The following ROS1 variants were observed in gnomAD, a reference collection of about 807,000 sequenced individuals.
ROS1 encodes ROS proto-oncogene 1, receptor tyrosine kinase, also known as proto-oncogene tyrosine-protein kinase ROS.
Under a neutral mutation model 273.5 loss-of-function variants are expected in ROS1, and 263 were observed. The observed-to-expected ratio is 0.96, with a 90% CI of 0.87 to 1.06. The LOEUF (loss-of-function observed/expected upper bound fraction) is 1.06. ROS1 is among the 50% of genes least tolerant of loss of function. The pLI is 0.00. For synonymous variants in ROS1, 1,008 were observed against 954.1 expected (o/e 1.06, Z -1.04); for missense variants, 2,833 against 2,751.1 (o/e 1.03, Z -0.67).
At chr6:117,300,727 A>T (rs1774653131) in intron 43 of ROS1, among the ~76,000 whole-genome samples, 1 of 152,188 alleles carries the variant, frequency 6.6e-6, no homozygotes, top group Admixed American at 6.5e-5. Context: ...TAACATGTTA[A>T]TTCTCCTCCT....
At chr6:117,395,930 G>A (rs1317430496) in intron 9 of ROS1, among the ~76,000 whole-genome samples, 5 of 152,112 alleles carry the variant, frequency 3.3e-5, no homozygotes, top group Non-Finnish European at 5.9e-5. Flanking sequence ...CCAAAGATTT[G>A]AGGCCATTTT....
intron 5 of ROS1, among the ~76,000 whole-genome samples, chr6:117,406,964 T>C (rs561673544): frequency 6.6e-6 from 1 of 152,200 alleles, no homozygotes; most frequent in South Asian, 2.1e-4. Context: ...TCTAAAATAC[T>C]CCATGGCTCC....
In ROS1 at chr6:117,416,371, C is replaced by T. The variant is rs536596790; in HGVS notation, c.169-54G>A. On this transcript the variant is annotated intron_variant, in intron 2 of 43. Transcript: ENST00000368507. The stretch of plus-strand genomic sequence containing the variant: ...AGTGATTGAAGAAATGTGACTTTTT[C>T]TTGTCACCTGAAAGTACAATGTAGT... The T allele has an allele frequency of 2.6e-6, 3 of 1,165,000 alleles. No individual in the cohort carries two copies. The South Asian group carries it at 3.7e-5, about 14-fold the overall frequency. 72.2% of individuals were successfully genotyped at this position (1,165,000 alleles called of 1,614,324 possible). A position where few individuals can be genotyped will look rare whatever the true frequency, so the allele number is the denominator to read the frequency against.
At chr6:117,343,116 C>A (rs1778084488) in intron 28 of ROS1, among the ~76,000 whole-genome samples, 1 of 151,556 alleles carries the variant, frequency 6.6e-6, no homozygotes, top group South Asian at 2.1e-4. Flanking sequence ...CGATGTGCCG[C>A]CAAGGTTGAG....
At chr6:117,309,679 C>T (rs775451698) in intron 41 of ROS1, among the ~76,000 whole-genome samples, 43 of 152,080 alleles carry the variant, frequency 2.8e-4, no homozygotes, top group Non-Finnish European at 4.4e-4. Flanking sequence ...CCCCAGTGTC[C>T]TAATCTTTTA....
rs1324823364 is a variant in ROS1 at position 117,318,210 on chromosome 6, G to A, written c.5965C>T (p.Leu1989=). The change falls in exon 38 of 44, where the codon CTG becomes TTG. Residue 1989 remains leucine (L), a synonymous_variant. Transcript: ENST00000368507. The part of the protein sequence containing the change: ...GSTDQEKIEF[L]KEAHLMSKFN... ...TACCTCATCAGATGTGCCTCCTTCA[G>A]GAATTCAATCTTCTCCTGGTCTGTG... The A allele has an allele frequency of 6.2e-7, 1 of 1,612,752 alleles. No individual in the cohort carries two copies. Among genetic ancestry groups the A allele is most frequent in the African/African-American group, 1.3e-5 (1 of 74,872 alleles).
chr6:117,308,666 T>C (rs1775301040), intron 42 of ROS1, 128 bp downstream of exon 42: 1 of 788,762 alleles, frequency 1.3e-6, no homozygotes, highest in South Asian at 2.4e-5. Context: ...TGATATTTTA[T>C]GTGGGGTATA....
chr6:117,355,881 G>A (rs912353571), intron 26 of ROS1, among the ~76,000 whole-genome samples: 7 of 152,094 alleles, frequency 4.6e-5, no homozygotes, highest in African/African-American at 1.4e-4. Context: ...AAAGTGCTGG[G>A]ATTACAGGCA....
chr6:117,385,469 C>T (rs931967783), intron 16 of ROS1, among the ~76,000 whole-genome samples: 11 of 151,542 alleles, frequency 7.3e-5, no homozygotes, highest in South Asian at 6.3e-4. Context: ...GCCAAGATGG[C>T]GCCACTGCAC....
intron 18 of ROS1, among the ~76,000 whole-genome samples, chr6:117,374,625 T>A (rs1399782231): frequency 6.6e-6 from 1 of 152,254 alleles, no homozygotes; most frequent in East Asian, 1.9e-4. Context: ...GATAAATAGA[T>A]GGAATTTAAT....
At chr6:117,366,357 G>T in intron 18 of ROS1, 67 bp from the exon 19 acceptor site, 1 of 1,077,494 alleles carries the variant, frequency 9.3e-7, no homozygotes, top group Non-Finnish European at 1.4e-6. Context: ...CATGCAAGTA[G>T]TCATGAGAAT....
At chr6:117,311,704 A>G (rs1238922198) in intron 39 of ROS1, among the ~76,000 whole-genome samples, 1 of 152,068 alleles carries the variant, frequency 6.6e-6, no homozygotes, top group East Asian at 1.9e-4. Context: ...GCAATACCCT[A>G]TTTCAAAGTT....
intron 5 of ROS1, among the ~76,000 whole-genome samples, chr6:117,407,818 T>C (rs1046212472): frequency 6.6e-6 from 1 of 152,172 alleles, no homozygotes; most frequent in African/African-American, 2.4e-5. Flanking sequence ...CACATTATAC[T>C]ACAATGCTAC....
intron 9 of ROS1, among the ~76,000 whole-genome samples, chr6:117,395,362 A>G (rs544894230): frequency 1.3e-5 from 2 of 152,344 alleles, no homozygotes; most frequent in Admixed American, 6.5e-5. Context: ...TGCTTCTTAC[A>G]TAACAAAAAT....
chr6:117,383,418 C>A lies in ROS1; in HGVS notation c.2380G>T (p.Gly794Ter). The change falls in exon 17 of 44, where the codon GGA becomes TGA. Residue 794 changes from glycine (G) to a stop codon, truncating the protein, a stop_gained. Transcript: ENST00000368507. LOFTEE classifies it high-confidence loss of function. ...TAGAGTGTGGTCCAGTAGAGATATCCACCAACTGAATCCACCACCATGTCA... is the reference window on the plus strand; with the variant it reads ...TAGAGTGTGGTCCAGTAGAGATATCAACCAACTGAATCCACCACCATGTCA... The part of the protein sequence containing the change: ...VNDMVVDSVG[G>*]YLYWTTLYSV... 1 of 1,613,912 alleles carries A rather than the reference C, an allele frequency of 6.2e-7. No individual in the cohort carries two copies. Among genetic ancestry groups the A allele is most frequent in the Non-Finnish European group, 8.5e-7 (1 of 1,179,832 alleles).
chr6:117,365,314 G>T, intron 20 of ROS1, 110 bp from the exon 21 acceptor site: 1 of 1,231,268 alleles, frequency 8.1e-7, no homozygotes, highest in Non-Finnish European at 1.1e-6. Context: ...ATCAAAATTT[G>T]CAATTTTGGA....
intron 43 of ROS1, among the ~76,000 whole-genome samples, chr6:117,299,079 G>T (rs1408539956): frequency 1.3e-5 from 2 of 152,148 alleles, no homozygotes; most frequent in African/African-American, 4.8e-5. Context: ...GGCATTCTAA[G>T]AATCAGCTCT....
chr6:117,383,449 C>T lies in ROS1; in HGVS notation c.2349G>A (p.Leu783=), dbSNP rs1300836392. The change falls in exon 17 of 44, where the codon TTG becomes TTA. Residue 783 remains leucine, a synonymous_variant. Coordinates refer to ENST00000368507, the MANE Select transcript of ROS1 (RefSeq NM_001378902.1). The part of the protein sequence containing the change: ...HTDIVTHVKL[L]VNDMVVDSVG... ...CTGAATCCACCACCATGTCATTCAC[C>T]AATAGCTTCACGTGGGTAACAATGT... 2 of 1,613,906 alleles carry T rather than the reference C, an allele frequency of 1.2e-6. No individual in the cohort carries two copies. Among genetic ancestry groups the T allele is most frequent in the Admixed American group, 1.7e-5 (1 of 59,996 alleles).
Position 117,319,978 on chromosome 6 carries a change from T to C in ROS1, c.5812A>G (p.Lys1938Glu), listed in dbSNP as rs376207197. The change falls in exon 37 of 44, where the codon AAA becomes GAA. Residue 1938 changes from lysine (K) to glutamate (E), a missense_variant. Lys to Glu is a moderately conservative substitution (Grantham distance 56, BLOSUM62 1). Coordinates refer to ENST00000368507, the MANE Select transcript of ROS1 (RefSeq NM_001378902.1). ...IENLPAFPRE[K>E]LTLRLLLGSG... Reference sequence around the variant, plus strand: ...CCCAGCAAGAGACGCAGAGTCAGTTTTTCCCGAGGGAAGGCAGGAAGATTT... The same window carrying C: ...CCCAGCAAGAGACGCAGAGTCAGTTCTTCCCGAGGGAAGGCAGGAAGATTT... 1.2e-6 allele frequency: 2 copies of C among 1,613,502 alleles called. No individual in the cohort carries two copies. The highest frequency in any genetic ancestry group is 1.7e-6 in the Non-Finnish European group (2 of 1,179,642).
Sources: allele counts gnomAD v4.1 joint callset (sites outside exome capture counted in the v4.1 genomes callset), GRCh38; gene constraint gnomAD v4.1.1; transcripts MANE v1.5; gene names NCBI Gene and HGNC (gene_info 2026-07-23, HGNC 2026-07-21).